Variants in CPNE5 observed in about 807,000 individuals in gnomAD.
The protein encoded by CPNE5 is copine 5, also known as copine-5.
CPNE5 carries 42 observed loss-of-function variants against 81.1 expected under a neutral mutation model. The ratio of observed to expected loss-of-function variants is 0.52; its 90% CI spans 0.40 to 0.67. CPNE5 has a LOEUF of 0.67. CPNE5 is among the 30% of genes least tolerant of loss of function. The pLI is 0.00. For missense variants in CPNE5, 612 were observed against 815.5 expected (o/e 0.75, Z 3.04); for synonymous variants, 313 against 321.5 (o/e 0.97, Z 0.28).
chr6:36,793,821 C>T (rs751333973), intron 7 of CPNE5, among the ~76,000 whole-genome samples: 4 of 152,192 alleles, frequency 2.6e-5, no homozygotes, highest in Admixed American at 6.5e-5. Flanking sequence ...CAGGGAAGGC[C>T]AGGGGAGCTC....
Position 36,746,452 on chromosome 6 carries a change from G to A in CPNE5, c.1144C>T (p.Leu382=). Residue 382 remains leucine, a synonymous_variant, in exon 16 of 21, where the codon CTG becomes TTG. Coordinates refer to ENST00000244751, the MANE Select transcript of CPNE5 (RefSeq NM_020939.2). The surrounding 1 kb of genome is among the most constrained non-coding windows in gnomAD (Gnocchi z 4.5). ...HYDSDKMFPA[L]GFGAKLPPDG... ...GGGGGCAGCTTGGCCCCGAAGCCCA[G>A]GGCAGGGAACATCTTGTCACTGTCG... is the stretch of plus-strand genomic sequence containing the variant. The A allele has an allele frequency of 6.2e-7, 1 of 1,613,464 alleles. No homozygotes were observed. Among genetic ancestry groups the A allele is most frequent in the Non-Finnish European group, 8.5e-7 (1 of 1,179,688 alleles).
chr6:36,791,987 A>G, intron 8 of CPNE5, 46 bp downstream of exon 8: 1 of 1,561,280 alleles, frequency 6.4e-7, no homozygotes, highest in Non-Finnish European at 8.8e-7. Context: ...GCACTCCATC[A>G]CCCCCACCCC....
intron 3 of CPNE5, among the ~76,000 whole-genome samples, chr6:36,817,133 C>T (rs1771612305): frequency 6.6e-6 from 1 of 152,118 alleles, no homozygotes; most frequent in Non-Finnish European, 1.5e-5. Flanking sequence ...CAAGACCAGC[C>T]TGGCCAACAT....
At chr6:36,798,361 GAC>G (rs1769784264) in intron 5 of CPNE5, 92 bp downstream of exon 5, 2 of 1,510,196 alleles carry the variant, frequency 1.3e-6, no homozygotes, top group East Asian at 2.3e-5. Flanking sequence ...CGCAGCGTCG[GAC>G]ACACATTCCA....
Position 36,745,511 on chromosome 6 carries a change from C to A in CPNE5, c.1205G>T (p.Gly402Val). ...ACAGCATGAGGGGTTCTCCTGGTTG[C>A]CATTCTGGGGGACAGAGGGCAGGGA... ...GRVSHEFPLN[G>V]NQENPSCCGI... is the part of the protein sequence containing the mutation. Residue 402 changes from glycine to valine, a missense_variant, in exon 17 of 21, where the codon GGC becomes GTC. Physicochemically the swap from Gly to Val is moderately radical, Grantham distance 109. Coordinates refer to ENST00000244751, the MANE Select transcript of CPNE5 (RefSeq NM_020939.2). The A allele has an allele frequency of 6.3e-7, 1 of 1,599,192 alleles. No homozygotes were observed. Among genetic ancestry groups the A allele is most frequent in the Non-Finnish European group, 8.5e-7 (1 of 1,173,140 alleles).
In CPNE5 at chr6:36,817,206, TC is replaced by T. The variant is rs559173827; in HGVS notation, c.183+4907del. ...TGGGCGTGGTGGTGCATGCCTGTAA[TC>T]CCAGCTACTCGGGAGGCTGAGACAG... is the stretch of plus-strand genomic sequence containing the variant. On this transcript the variant is annotated intron_variant, in intron 3 of 20. Transcript: ENST00000244751. Among the ~76,000 whole-genome samples, 73 of 152,252 alleles carry T rather than the reference TC, an allele frequency of 4.8e-4. No individual in the cohort carries two copies. In the South Asian group the frequency reaches 0.011, roughly 23 times the overall value.
intron 1 of CPNE5, chr6:36,838,787 G>T: frequency 1.0e-6 from 1 of 982,506 alleles, no homozygotes; most frequent in Non-Finnish European, 1.2e-6. Flanking sequence ...TAGAGTCTAG[G>T]ACAGTGGGGT....
intron 10 of CPNE5, among the ~76,000 whole-genome samples, chr6:36,773,312 AG>A (rs1767210091): frequency 6.6e-6 from 1 of 152,208 alleles, no homozygotes; most frequent in Non-Finnish European, 1.5e-5. Context: ...ACCAGGAGAC[AG>A]GGATGGGTTC....
At chr6:36,794,786 G>A (rs1418614896) in intron 6 of CPNE5, 137 bp from the exon 7 acceptor site, 3 of 750,184 alleles carry the variant, frequency 4.0e-6, no homozygotes, top group Non-Finnish European at 4.5e-6. Context: ...AAAGCCACAG[G>A]CCAGAGCAAG....
chr6:36,777,759 C>T (rs1423124178), intron 9 of CPNE5, among the ~76,000 whole-genome samples: 23 of 64,614 alleles, frequency 3.6e-4, no homozygotes, highest in African/African-American at 1.4e-3. Flanking sequence ...GCCTACCCCC[C>T]CCCCCACCAC....
intron 12 of CPNE5, chr6:36,757,371 G>A (rs1003439844): frequency 6.1e-6 from 6 of 985,052 alleles, no homozygotes; most frequent in East Asian, 1.1e-4. Context: ...GATCTTTACC[G>A]TGGTCTCTTC....
At position 36,746,500 on chromosome 6, in the gene CPNE5, C is replaced by T. The variant is rs150078502; in HGVS notation, c.1096G>A (p.Val366Ile). Residue 366 changes from valine (V) to isoleucine (I), a missense_variant, in exon 16 of 21, where the codon GTC becomes ATC. Coordinates refer to ENST00000244751, the MANE Select transcript of CPNE5 (RefSeq NM_020939.2). The surrounding 1 kb of genome is among the most constrained non-coding windows in gnomAD (Gnocchi z 4.5). Reference protein sequence around the residue: ...LNAYALALTAVGEIIQHYDSD... With the variant: ...LNAYALALTAIGEIIQHYDSD... The stretch of plus-strand genomic sequence containing the variant: ...TCGTAGTGCTGGATGATCTCTCCGA[C>T]GGCAGTCAGCGCCAGCGCGTAGGCG... 1.0e-4 allele frequency: 168 copies of T among 1,613,802 alleles called. No individual in the cohort carries two copies. In the African/African-American group the frequency reaches 1.7e-3, roughly 16 times the overall value.
At chr6:36,781,800 C>T in intron 8 of CPNE5, among the ~76,000 whole-genome samples, 1 of 152,162 alleles carries the variant, frequency 6.6e-6, no homozygotes, top group Non-Finnish European at 1.5e-5. Context: ...AAGCACAGGT[C>T]CCCGTGTGAC....
chr6:36,830,930 T>C (rs1386268803), intron 1 of CPNE5, among the ~76,000 whole-genome samples: 1 of 152,220 alleles, frequency 6.6e-6, no homozygotes, highest in African/African-American at 2.4e-5. Flanking sequence ...CCACCATCAG[T>C]ATCATCTCTC....
chr6:36,764,580 C>T (rs1766373996), intron 11 of CPNE5, among the ~76,000 whole-genome samples: 1 of 152,112 alleles, frequency 6.6e-6, no homozygotes, highest in Admixed American at 6.5e-5. Context: ...GGATTTGGCT[C>T]AGCCGACAAG....
chr6:36,759,540 C>T (rs1763227268), intron 12 of CPNE5, among the ~76,000 whole-genome samples: 1 of 151,876 alleles, frequency 6.6e-6, no homozygotes, highest in South Asian at 2.1e-4. Flanking sequence ...CAACACAACC[C>T]CCACCCTGAG....
Position 36,745,170 on chromosome 6 carries a change from G to A in CPNE5, c.1329-20C>T, listed in dbSNP as rs376125044. On this transcript the variant is annotated intron_variant, in intron 17 of 20. Transcript: ENST00000244751. Reference sequence around the variant, plus strand: ...GCATTCCTGGGTGGGGCAGGTGTGGGCTCAGGTCTGTCTGCGGGACCTCTG... The same window carrying A: ...GCATTCCTGGGTGGGGCAGGTGTGGACTCAGGTCTGTCTGCGGGACCTCTG... The A allele has an allele frequency of 1.3e-6, 2 of 1,596,704 alleles. No homozygotes were observed. The highest frequency in any genetic ancestry group is 1.1e-5 in the South Asian group (1 of 90,634).
chr6:36,792,185 TC>T (rs1769157877), intron 7 of CPNE5, 89 bp from the exon 8 acceptor site: 1 of 1,174,438 alleles, frequency 8.5e-7, no homozygotes, highest in Non-Finnish European at 1.3e-6. Context: ...CTGCCCATCC[TC>T]CCCCGCCCCC....
At chr6:36,795,256 G>A (rs763736253) in intron 6 of CPNE5, among the ~76,000 whole-genome samples, 4 of 151,946 alleles carry the variant, frequency 2.6e-5, no homozygotes, top group African/African-American at 4.8e-5. Context: ...TCGGCTCACC[G>A]CAACCTCCAC....
Sources: gnomAD v4.1 joint callset for allele counts (sites outside exome capture counted in the v4.1 genomes callset) on GRCh38, gnomAD v4.1.1 for gene constraint, Gnocchi (gnomAD v3.1) non-coding constraint, MANE v1.5 for transcripts, NCBI Gene and HGNC (gene_info 2026-07-23, HGNC 2026-07-21) for gene names.